Variants in ARHGEF40 observed in about 807,000 individuals in gnomAD.
The protein encoded by ARHGEF40 is Rho guanine nucleotide exchange factor (GEF) 40.
ARHGEF40 carries 98 observed loss-of-function variants against 165.9 expected under a neutral mutation model. That is an observed-to-expected ratio of 0.59 (90% confidence interval 0.50 to 0.70). ARHGEF40 has a LOEUF of 0.70. Among genes scored for constraint, ARHGEF40 ranks in the 30% least tolerant of loss-of-function variants. The probability of loss-of-function intolerance (pLI) is 0.00; values close to 1 mark genes in which losing one functional copy is unlikely to be tolerated. For synonymous variants in ARHGEF40, 792 were observed against 814.3 expected, an observed-to-expected ratio of 0.97 and a Z score of 0.47; for missense variants, 1,815 against 1,968.0, an observed-to-expected ratio of 0.92 and a Z score of 1.47.
In ARHGEF40 at chr14:21,088,006, G is replaced by A; in HGVS notation, c.4426G>A (p.Gly1476Arg). The A allele has an allele frequency of 1.2e-6, 2 of 1,614,070 alleles. No individual in the cohort carries two copies. Among genetic ancestry groups the A allele is most frequent in the Non-Finnish European group, 1.7e-6 (2 of 1,180,022 alleles). The change falls in exon 22 of 24, where the codon GGA (glycine) becomes AGA (arginine). Residue 1476 changes from glycine to arginine, a missense_variant. Coordinates refer to ENST00000298694, the MANE Select transcript of ARHGEF40 (RefSeq NM_018071.5). ...TGACTCTTCTGGAGATGTGTCCCCA[G>A]GACCAAGAAACAGCCCCAGCCTGCA... ...TLDSSGDVSP[G>R]PRNSPSLQPP...
At position 21,072,992 on chromosome 14, in the gene ARHGEF40, G is replaced by T. The variant is rs1887097399; in HGVS notation, c.4-53G>T. ...ACCCCAGACCAGTGCAGCTCCCAAG[G>T]AGCCATGATTGGGTGATCTCTAGGG... On this transcript the variant is annotated intron_variant, in intron 1 of 23. Coordinates refer to ENST00000298694, the MANE Select transcript of ARHGEF40 (RefSeq NM_018071.5). This position sits in a 1 kb window ranked among gnomAD's most constrained non-coding sequence, Gnocchi z 4.1. The T allele has an allele frequency of 1.3e-6, 2 of 1,563,078 alleles. No individual in the cohort carries two copies. The highest frequency in any genetic ancestry group is 1.4e-5 in the African/African-American group (1 of 73,942).
At position 21,088,858 on chromosome 14, in the gene ARHGEF40, C is replaced by A. The variant is rs1262021166; in HGVS notation, c.4547C>A (p.Thr1516Asn). The change falls in exon 23 of 24, where the codon ACC becomes AAC. Residue 1516 changes from threonine to asparagine, a missense_variant. By Grantham distance (65) the Thr-to-Asn change is moderately conservative. Transcript: ENST00000298694. ...CATGCTCGAGCCCTGAGTGACCCCA[C>A]CACGCCTCTGTGACCTGGGTGAGTC... Reference protein sequence around the residue: ...QSHARALSDPTTPL With the variant: ...QSHARALSDPNTPL 6.2e-7 allele frequency: 1 copy of A among 1,613,326 alleles called. No homozygotes were observed. Among genetic ancestry groups the A allele is most frequent in the Non-Finnish European group, 8.5e-7 (1 of 1,179,462 alleles).
the ARHGEF40 span, among the ~76,000 whole-genome samples, chr14:21,064,440 T>C: frequency 6.6e-6 from 1 of 152,242 alleles, no homozygotes; most frequent in Non-Finnish European, 1.5e-5. Flanking sequence ...TAGCTGGGAT[T>C]ACAGGTGCAC....
chr14:21,087,297 C>G, intron 20 of ARHGEF40, 23 bp from the exon 21 acceptor site: 1 of 1,599,598 alleles, frequency 6.3e-7, no homozygotes, highest in Non-Finnish European at 8.5e-7. Context: ...AGCACCCCAC[C>G]CCCCACTCCC....
chr14:21,064,676 C>A, the ARHGEF40 span, among the ~76,000 whole-genome samples: 2 of 152,182 alleles, frequency 1.3e-5, no homozygotes, highest in East Asian at 3.8e-4. Context: ...GACAATGCTA[C>A]ATGAAGAAAG....
At chr14:21,079,688 G>A (rs534164110) in intron 11 of ARHGEF40, among the ~76,000 whole-genome samples, 8 of 152,238 alleles carry the variant, frequency 5.3e-5, no homozygotes, top group Admixed American at 3.9e-4. Flanking sequence ...GGGCATCAGG[G>A]GAAAGGTCAC....
chr14:21,081,508 G>C lies in ARHGEF40; in HGVS notation c.2641-1G>C. 1 of 1,612,896 alleles carries C rather than the reference G, an allele frequency of 6.2e-7. No homozygotes were observed. Among genetic ancestry groups the C allele is most frequent in the Non-Finnish European group, 8.5e-7 (1 of 1,179,872 alleles). ...CATCCCCAACCCCTTTGACTTCGTA[G>C]GCACATGAATGGGTGGATGAGGGCT... On this transcript the variant is annotated splice_acceptor_variant, in intron 13 of 23. Coordinates refer to ENST00000298694, the MANE Select transcript of ARHGEF40 (RefSeq NM_018071.5). LOFTEE classifies it high-confidence loss of function.
Position 21,081,959 on chromosome 14 carries a change from C to A in ARHGEF40, c.3091C>A (p.Pro1031Thr). Residue 1031 changes from proline to threonine, a missense_variant, in exon 14 of 24, where the codon CCC (proline) becomes ACC (threonine). Pro to Thr is a conservative substitution (Grantham distance 38). Transcript: ENST00000298694. The part of the protein sequence containing the change: ...PELAPEAEGR[P>T]PRAVLIRGLE... ...GCTGGCTCCAGAAGCAGAGGGCAGG[C>A]CCCCAAGAGCTGTGCTGATCCGAGG... 1 of 1,602,018 alleles carries A rather than the reference C, an allele frequency of 6.2e-7. No individual in the cohort carries two copies. Among genetic ancestry groups the A allele is most frequent in the Non-Finnish European group, 8.5e-7 (1 of 1,174,422 alleles).
intron 15 of ARHGEF40, 64 bp from the exon 16 acceptor site, chr14:21,082,767 G>A (rs758024223): frequency 1.3e-5 from 19 of 1,515,032 alleles, no homozygotes; most frequent in South Asian, 3.4e-5. Context: ...TAGAGAGGGG[G>A]AAGAGAGAGG....
At chr14:21,069,099 G>A (rs924671348), upstream of ARHGEF40, among the ~76,000 whole-genome samples, 7 of 152,174 alleles carry the variant, frequency 4.6e-5, no homozygotes, top group African/African-American at 1.7e-4. Context: ...TCTCCCTTCC[G>A]TCCACCCTTT....
chr14:21,075,582 G>A lies in ARHGEF40; in HGVS notation c.1619-63G>A, dbSNP rs1343971168. 6.2e-7 allele frequency: 1 copy of A among 1,613,734 alleles called. No individual in the cohort carries two copies. Among genetic ancestry groups the A allele is most frequent in the Non-Finnish European group, 8.5e-7 (1 of 1,180,014 alleles). The stretch of plus-strand genomic sequence containing the variant: ...GGGCTTGGGGACTGGGGGAGGCAGG[G>A]TGGAAAGGAGGTAGGCATGGACTGC... On this transcript the variant is annotated intron_variant, in intron 4 of 23. Transcript: ENST00000298694. This position sits in a 1 kb window ranked among gnomAD's most constrained non-coding sequence, Gnocchi z 4.5.
Position 21,089,035 on chromosome 14 carries a change from C to A in ARHGEF40, c.*27C>A. The A allele has an allele frequency of 1.5e-6, 1 of 677,208 alleles. No homozygotes were observed. Among genetic ancestry groups the A allele is most frequent in the Non-Finnish European group, 2.4e-6 (1 of 410,564 alleles). 41.9% of individuals were successfully genotyped at this position (677,208 alleles called of 1,614,324 possible). A position where few individuals can be genotyped will look rare whatever the true frequency, so the allele number is the denominator to read the frequency against. ...CTAGAGAAGATCCAGAACTTGCGTG[C>A]AGCTTCTCCTCTCAGCACACTTTGG... On this transcript the variant is annotated 3_prime_UTR_variant, in exon 24 of 24. Transcript: ENST00000298694.
upstream of ARHGEF40, among the ~76,000 whole-genome samples, chr14:21,067,291 T>TC (rs1886318616): frequency 6.6e-6 from 1 of 152,012 alleles, no homozygotes; most frequent in African/African-American, 2.4e-5. Context: ...GGTTTTTTTT[T>TC]TCTCTGACCC....
chr14:21,070,847 T>A lies in ARHGEF40; in HGVS notation c.3+448T>A. On this transcript the variant is annotated intron_variant, in intron 1 of 23. Transcript: ENST00000298694. The surrounding 1 kb of genome is among the most constrained non-coding windows in gnomAD (Gnocchi z 4.7). ...ACTGACCTGCATGGAACCACCATTT[T>A]CCATCCCTGTCCCCAACCCGGTGAG... 1 of 1,535,638 alleles carries A rather than the reference T, an allele frequency of 6.5e-7. No homozygotes were observed. The highest frequency in any genetic ancestry group is 8.7e-7 in the Non-Finnish European group (1 of 1,146,884).
Position 21,081,813 on chromosome 14 carries a change from C to T in ARHGEF40, c.2945C>T (p.Pro982Leu). 1 of 1,603,700 alleles carries T rather than the reference C, an allele frequency of 6.2e-7. No individual in the cohort carries two copies. Among genetic ancestry groups the T allele is most frequent in the Non-Finnish European group, 8.5e-7 (1 of 1,176,266 alleles). The change falls in exon 14 of 24, where the codon CCC becomes CTC. Residue 982 changes from proline to leucine, a missense_variant. Physicochemically the swap from Pro to Leu is moderately conservative, Grantham distance 98. Transcript: ENST00000298694. ...GASSGGAQWG[P>L]RSPSPSLSSL... ...AGCAGTGGAGGGGCCCAGTGGGGGC[C>T]CCGCAGCCCCTCGCCCAGCCTCAGC... is the stretch of plus-strand genomic sequence containing the variant.
intron 11 of ARHGEF40, 31 bp downstream of exon 11, chr14:21,079,041 C>G: frequency 2.5e-6 from 4 of 1,601,492 alleles, no homozygotes; most frequent in East Asian, 2.2e-5. Context: ...CCCTCTTACT[C>G]AGCCTGGGAG....
In ARHGEF40 at chr14:21,072,218, A is replaced by T. The variant is rs1338319796; in HGVS notation, c.4-827A>T. On this transcript the variant is annotated intron_variant, in intron 1 of 23. Transcript: ENST00000298694. The surrounding 1 kb of genome is among the most constrained non-coding windows in gnomAD (Gnocchi z 4.1). Reference sequence around the variant, plus strand: ...GGGGAGTCTGGATGAAGCAGGGCTGAGTCTTTTTGAGACTCCTAGTGGAGG... The same window carrying T: ...GGGGAGTCTGGATGAAGCAGGGCTGTGTCTTTTTGAGACTCCTAGTGGAGG... 6.6e-6 allele frequency among the ~76,000 whole-genome samples: 1 copy of T among 152,126 alleles called. No individual in the cohort carries two copies. The highest frequency in any genetic ancestry group is 1.9e-4 in the East Asian group (1 of 5,196).
chr14:21,085,950 A>G, intron 19 of ARHGEF40, 84 bp downstream of exon 19: 1 of 1,447,396 alleles, frequency 6.9e-7, no homozygotes, highest in Non-Finnish European at 9.5e-7. Flanking sequence ...ACTGCTTGGG[A>G]AAACAGTTTA....
chr14:21,088,433 C>T (rs1888547978), intron 22 of ARHGEF40, among the ~76,000 whole-genome samples: 1 of 151,516 alleles, frequency 6.6e-6, no homozygotes, highest in South Asian at 2.1e-4. Flanking sequence ...TAATCCCAGA[C>T]TTTCAGAGGC....
Sources: allele counts gnomAD v4.1 joint callset (sites outside exome capture counted in the v4.1 genomes callset), GRCh38; gene constraint gnomAD v4.1.1; non-coding constraint Gnocchi (gnomAD v3.1); transcripts MANE v1.5; gene names NCBI Gene and HGNC (gene_info 2026-07-23, HGNC 2026-07-21).